The following CSMD1 variants were observed in gnomAD, a reference collection of about 807,000 sequenced individuals.
CSMD1 encodes CUB and sushi domain-containing protein 1.
A neutral mutation model predicts 417.5 loss-of-function variants in CSMD1; 213 were observed. The ratio of observed to expected loss-of-function variants is 0.51; its 90% confidence interval spans 0.46 to 0.57. The LOEUF (loss-of-function observed/expected upper bound fraction) is 0.57, where lower values mean the gene tolerates loss of function less well. Among genes scored for constraint, CSMD1 ranks in the 20% least tolerant of loss-of-function variants. The pLI is 0.00. For missense variants in CSMD1, 6,923 were observed against 4,529.7 expected (o/e 1.53, Z -15.17); for synonymous variants, 2,862 against 1,736.8 (o/e 1.65, Z -16.11).
At chr8:4,740,514 T>C (rs1319999978) in intron 1 of CSMD1, among the ~76,000 whole-genome samples, 1 of 152,190 alleles carries the variant, frequency 6.6e-6, no homozygotes, top group Non-Finnish European at 1.5e-5. Context: ...GAAATTTTCT[T>C]TCTGTCTTCA....
At chr8:4,378,364 C>A (rs1009002787) in intron 3 of CSMD1, among the ~76,000 whole-genome samples, 1 of 152,206 alleles carries the variant, frequency 6.6e-6, no homozygotes, top group East Asian at 1.9e-4. Flanking sequence ...GGAACATAAT[C>A]ATGAGAAATT....
At chr8:4,670,003 G>A (rs1049347925) in intron 1 of CSMD1, among the ~76,000 whole-genome samples, 4 of 152,164 alleles carry the variant, frequency 2.6e-5, no homozygotes, top group African/African-American at 9.7e-5. Flanking sequence ...CTAGTGAAGT[G>A]TTGCTCCAGA....
At chr8:4,332,820 G>C (rs1206224347) in intron 3 of CSMD1, among the ~76,000 whole-genome samples, 1 of 151,778 alleles carries the variant, frequency 6.6e-6, no homozygotes, top group African/African-American at 2.4e-5. Context: ...AGTTTTCAGG[G>C]AAACTTTATT....
chr8:4,962,188 C>T lies in CSMD1; in HGVS notation c.85+32144G>A, dbSNP rs1363525508. ...ACAATAATATAAATGTAAATTTCTG[C>T]TTTTTTTTTAAAAAAAAAAGAAAAA... On this transcript the variant is annotated intron_variant, in intron 1 of 69. Coordinates refer to ENST00000635120, the MANE Select transcript of CSMD1 (RefSeq NM_033225.6). Among the ~76,000 whole-genome samples, 6 of 140,616 alleles carry T rather than the reference C, an allele frequency of 4.3e-5. No individual in the cohort carries two copies. In the East Asian group the frequency reaches 1.3e-3, roughly 31 times the overall value. The allele number at this position is 140,616 out of a possible 152,430, so 92.2% of individuals were successfully genotyped here.
chr8:4,119,454 CT>C (rs1417860295), intron 3 of CSMD1, among the ~76,000 whole-genome samples: 1 of 152,148 alleles, frequency 6.6e-6, no homozygotes, highest in Non-Finnish European at 1.5e-5. Flanking sequence ...GACTGAATAT[CT>C]GTGTCAGCCC....
intron 45 of CSMD1, chr8:3,106,931 A>AG (rs991177747): frequency 3.8e-6 from 1 of 266,550 alleles, no homozygotes; most frequent in African/African-American, 2.2e-5. Context: ...GCTGACGAAA[A>AG]GAAAAAAAAA....
At chr8:3,239,836 G>C (rs769974657) in intron 26 of CSMD1, among the ~76,000 whole-genome samples, 2 of 152,138 alleles carry the variant, frequency 1.3e-5, no homozygotes, top group Non-Finnish European at 2.9e-5. Context: ...ATGGATCAGA[G>C]AGTTATAGTC....
intron 1 of CSMD1, among the ~76,000 whole-genome samples, chr8:4,711,225 T>G (rs12681149): frequency 2.6e-5 from 4 of 151,778 alleles, no homozygotes; most frequent in Non-Finnish European, 5.9e-5. Flanking sequence ...TAAAAAATGT[T>G]AATCATGCTA....
intron 5 of CSMD1, among the ~76,000 whole-genome samples, chr8:3,909,335 C>G (rs1025430501): frequency 1.3e-5 from 2 of 152,090 alleles, no homozygotes; most frequent in Non-Finnish European, 2.9e-5. Context: ...TGTGGGCATC[C>G]TTGCTGGGAA....
chr8:2,958,141 A>G (rs998327077), intron 62 of CSMD1, among the ~76,000 whole-genome samples: 1 of 152,028 alleles, frequency 6.6e-6, no homozygotes, highest in African/African-American at 2.4e-5. Flanking sequence ...TGCCACTCAC[A>G]TTTGAAACAA....
At chr8:4,288,240 G>A (rs1434702164) in intron 3 of CSMD1, among the ~76,000 whole-genome samples, 1 of 152,118 alleles carries the variant, frequency 6.6e-6, no homozygotes, top group Non-Finnish European at 1.5e-5. Flanking sequence ...AGTGCTGGGT[G>A]CCTTCATGAG....
intron 33 of CSMD1, among the ~76,000 whole-genome samples, chr8:3,191,650 T>C (rs1796430719): frequency 6.6e-6 from 1 of 152,084 alleles, no homozygotes; most frequent in African/African-American, 2.4e-5. Context: ...GTGGGTGAGA[T>C]AACTATTCAG....
At chr8:4,569,402 T>A (rs1291831468) in intron 2 of CSMD1, among the ~76,000 whole-genome samples, 2 of 152,208 alleles carry the variant, frequency 1.3e-5, no homozygotes, top group African/African-American at 4.8e-5. Context: ...AAATAGGAAA[T>A]CCTTTCCCCA....
chr8:3,394,662 T>C (rs951841792), intron 17 of CSMD1, among the ~76,000 whole-genome samples: 1 of 151,844 alleles, frequency 6.6e-6, no homozygotes, highest in Non-Finnish European at 1.5e-5. Context: ...GATGAGAAAA[T>C]ACAAGGCTTA....
At chr8:4,086,699 C>A (rs1378725888) in intron 3 of CSMD1, among the ~76,000 whole-genome samples, 8 of 152,210 alleles carry the variant, frequency 5.3e-5, no homozygotes, top group African/African-American at 1.9e-4. Context: ...TGAACTTCTT[C>A]AGGTACCCAG....
chr8:4,062,128 C>G (rs998230175), intron 3 of CSMD1, among the ~76,000 whole-genome samples: 2 of 151,976 alleles, frequency 1.3e-5, no homozygotes, highest in Non-Finnish European at 2.9e-5. Flanking sequence ...AGCAGAGGGT[C>G]AGTGGAGGCT....
At chr8:4,555,013 G>A (rs546072708) in intron 2 of CSMD1, among the ~76,000 whole-genome samples, 90 of 152,306 alleles carry the variant, frequency 5.9e-4, no homozygotes, top group African/African-American at 1.9e-3. Context: ...AGGAGAGCAC[G>A]CAAGTAAGAC....
At chr8:3,945,494 C>T (rs577981374) in intron 5 of CSMD1, among the ~76,000 whole-genome samples, 2 of 152,028 alleles carry the variant, frequency 1.3e-5, no homozygotes, top group Non-Finnish European at 2.9e-5. Flanking sequence ...CTGTGAACTT[C>T]CCATATTTCC....
intron 1 of CSMD1, among the ~76,000 whole-genome samples, chr8:4,834,722 C>A (rs1035589932): frequency 6.6e-6 from 1 of 151,488 alleles, no homozygotes; most frequent in Non-Finnish European, 1.5e-5. Flanking sequence ...TTTGGGAGGC[C>A]GAGGCGGGCG....
Sources: allele counts gnomAD v4.1 joint callset (sites outside exome capture counted in the v4.1 genomes callset), GRCh38; gene constraint gnomAD v4.1.1; transcripts MANE v1.5; gene names NCBI Gene and HGNC (gene_info 2026-07-23, HGNC 2026-07-21).